Variants in RIMS2 observed in about 807,000 individuals in gnomAD.
RIMS2 encodes the protein regulating synaptic membrane exocytosis 2, also known as regulating synaptic membrane exocytosis protein 2.
In RIMS2, 59 loss-of-function variants were observed where a neutral mutation model predicts 174.4. That is an observed-to-expected ratio of 0.34 (90% confidence interval 0.27 to 0.42). The LOEUF is 0.42. RIMS2 is among the 10% of genes least tolerant of loss of function. The pLI, the probability that RIMS2 is intolerant of heterozygous loss-of-function variation, is 1.00. For missense variants in RIMS2, 1,620 were observed against 1,666.3 expected (o/e 0.97, Z 0.48); for synonymous variants, 606 against 572.5 (o/e 1.06, Z -0.84).
chr8:103,760,146 A>G (rs1411389971), intron 2 of RIMS2, among the ~76,000 whole-genome samples: 1 of 152,206 alleles, frequency 6.6e-6, no homozygotes, highest in Non-Finnish European at 1.5e-5. Flanking sequence ...ACATAGAAGG[A>G]TTTGTAACAG....
chr8:104,071,685 C>T lies in RIMS2; in HGVS notation c.3334+57070C>T, dbSNP rs983401184. Among the ~76,000 whole-genome samples, 24 of 152,270 alleles carry T rather than the reference C, an allele frequency of 1.6e-4. No individual in the cohort carries two copies. In the Middle Eastern group the frequency reaches 0.01, roughly 65 times the overall value. On this transcript the variant is annotated intron_variant, in intron 19 of 23. Coordinates refer to ENST00000504942, the Ensembl canonical transcript of RIMS2. Reference sequence around the variant, plus strand: ...TCTACTGACCTCGTGATCTGCCCGCCTTGGCCTCCCAAAGTGCTGGGATTA... The same window carrying T: ...TCTACTGACCTCGTGATCTGCCCGCTTTGGCCTCCCAAAGTGCTGGGATTA...
At chr8:104,129,299 C>T (rs1476721016) in intron 19 of RIMS2, among the ~76,000 whole-genome samples, 1 of 152,064 alleles carries the variant, frequency 6.6e-6, no homozygotes, top group Non-Finnish European at 1.5e-5. Flanking sequence ...GCAGAAGGAT[C>T]ACTTGAGCAA....
chr8:104,035,541 A>G (rs1597481146), intron 19 of RIMS2, among the ~76,000 whole-genome samples: 1 of 151,250 alleles, frequency 6.6e-6, no homozygotes, highest in East Asian at 1.9e-4. Flanking sequence ...CTTTGGAATT[A>G]TGTTTTGTAA....
intron 19 of RIMS2, among the ~76,000 whole-genome samples, chr8:104,072,400 C>T (rs767305064): frequency 6.6e-6 from 1 of 151,870 alleles, no homozygotes; most frequent in South Asian, 2.1e-4. Context: ...AACATTAGAT[C>T]TAGTTGCTGA....
chr8:104,041,808 A>C (rs1326499456), intron 19 of RIMS2, among the ~76,000 whole-genome samples: 1 of 151,740 alleles, frequency 6.6e-6, no homozygotes, highest in Admixed American at 6.6e-5. Flanking sequence ...ACCCTAAAAA[A>C]GCTATCAATA....
intron 1 of RIMS2, among the ~76,000 whole-genome samples, chr8:103,608,858 G>C (rs1315455489): frequency 2.0e-5 from 3 of 152,180 alleles, no homozygotes; most frequent in South Asian, 2.1e-4. Flanking sequence ...GCTCGCGCAC[G>C]GTGCACGCAC....
In RIMS2 at chr8:104,027,120, C is replaced by T. The variant is rs117585324; in HGVS notation, c.3334+12505C>T. On this transcript the variant is annotated intron_variant, in intron 19 of 23. Transcript: ENST00000504942. ...ACTTGGTGACAGCAAGCAAGATGGA[C>T]TTGAAAGAGGAGAAACTGAGGGCAT... 1.4e-3 allele frequency among the ~76,000 whole-genome samples: 213 copies of T among 152,204 alleles called. 1 individual carries two copies. In the East Asian group the frequency reaches 0.038, roughly 27 times the overall value.
chr8:103,905,247 A>G (rs2074122788), intron 4 of RIMS2, among the ~76,000 whole-genome samples: 1 of 151,964 alleles, frequency 6.6e-6, no homozygotes, highest in Admixed American at 6.6e-5. Flanking sequence ...TTGTTTCAAG[A>G]ACTTCCTTTA....
chr8:104,188,546 A>G (rs925642625), intron 19 of RIMS2, among the ~76,000 whole-genome samples: 11 of 151,766 alleles, frequency 7.2e-5, no homozygotes, highest in Admixed American at 3.3e-4. Context: ...AAATTTGTCA[A>G]ACTAGGTATA....
rs1340775297 is a variant in RIMS2 at position 103,787,522 on chromosome 8, C to T, written c.698+20985C>T. On this transcript the variant is annotated intron_variant, in intron 3 of 23. Coordinates refer to ENST00000504942, the Ensembl canonical transcript of RIMS2. ...TCTGTAAAGTATTTTATTTCTCCTT[C>T]GCTTATGAAGCTTAGTTTGGCTGGA... 5.9e-5 allele frequency among the ~76,000 whole-genome samples: 9 copies of T among 151,704 alleles called. No homozygotes were observed. The South Asian group carries it at 8.4e-4, about 14-fold the overall frequency.
intron 3 of RIMS2, 33 bp downstream of exon 6, chr8:103,766,570 A>T (rs776579228): frequency 5.6e-6 from 8 of 1,435,146 alleles, no homozygotes; most frequent in Non-Finnish European, 7.7e-6. Flanking sequence ...AGGCAAATGT[A>T]TTACTTTTAG....
At chr8:103,764,611 T>A (rs1246328577) in intron 2 of RIMS2, among the ~76,000 whole-genome samples, 3 of 152,116 alleles carry the variant, frequency 2.0e-5, no homozygotes, top group Non-Finnish European at 4.4e-5. Flanking sequence ...CATGTTCTTT[T>A]TAATTTCAGT....
At chr8:104,082,118 C>T (rs1017816052) in intron 19 of RIMS2, among the ~76,000 whole-genome samples, 2 of 149,634 alleles carry the variant, frequency 1.3e-5, no homozygotes, top group Middle Eastern at 3.4e-3. Flanking sequence ...AAAGAAAATG[C>T]CAGAGGAATA....
intron 1 of RIMS2, among the ~76,000 whole-genome samples, chr8:103,630,148 A>C (rs2095876315): frequency 1.2e-5 from 1 of 80,026 alleles, no homozygotes; most frequent in Admixed American, 1.0e-4. Flanking sequence ...CTGAAGACAA[A>C]AAAAAAAAAA....
chr8:103,508,340 A>G (rs1824687485), intron 1 of RIMS2, among the ~76,000 whole-genome samples: 1 of 152,024 alleles, frequency 6.6e-6, no homozygotes, highest in Non-Finnish European at 1.5e-5. Flanking sequence ...CAGTCCTGGG[A>G]AGATGCCATC....
chr8:104,060,155 C>T (rs1202512573), intron 19 of RIMS2, among the ~76,000 whole-genome samples: 1 of 151,664 alleles, frequency 6.6e-6, no homozygotes, highest in South Asian at 2.1e-4. Context: ...GTATCAGTTC[C>T]TCCTTGTACC....
intron 1 of RIMS2, among the ~76,000 whole-genome samples, chr8:103,628,930 G>T (rs2095850076): frequency 6.6e-6 from 1 of 152,120 alleles, no homozygotes. Context: ...TACCCAGATT[G>T]TGAGCAGAGG....
intron 1 of RIMS2, among the ~76,000 whole-genome samples, chr8:103,504,814 CT>C (rs949101975): frequency 1.0e-4 from 14 of 133,778 alleles, no homozygotes; most frequent in East Asian, 4.3e-4. Context: ...GAAATAAAAT[CT>C]TTTTTTTTCT....
intron 1 of RIMS2, among the ~76,000 whole-genome samples, chr8:103,569,311 C>T (rs1026279707): frequency 3.3e-5 from 5 of 152,072 alleles, no homozygotes; most frequent in Admixed American, 2.0e-4. Flanking sequence ...ACTGAATAGC[C>T]TTTGCACCTT....
Sources: gnomAD v4.1 joint callset for allele counts (sites outside exome capture counted in the v4.1 genomes callset) on GRCh38, gnomAD v4.1.1 for gene constraint, MANE v1.5 for transcripts, NCBI Gene and HGNC (gene_info 2026-07-23, HGNC 2026-07-21) for gene names.